Variants in PCMTD1 observed in about 807,000 individuals in gnomAD.
PCMTD1 encodes protein-L-isoaspartate (D-aspartate) O-methyltransferase domain containing 1, also known as protein-L-isoaspartate O-methyltransferase domain-containing protein 1.
In PCMTD1, 12 loss-of-function variants were observed where a neutral mutation model predicts 37.6. That is an observed-to-expected ratio of 0.32 (90% CI 0.20 to 0.52). PCMTD1 has a LOEUF of 0.52. Among genes scored for constraint, PCMTD1 ranks in the 20% least tolerant of loss-of-function variants. PCMTD1 has a pLI of 0.97. For synonymous variants in PCMTD1, 117 were observed against 135.8 expected (o/e 0.86, Z 0.96); for missense variants, 235 against 421.3 (o/e 0.56, Z 3.87).
At chr8:51,859,220 C>G (rs548019588) in intron 2 of PCMTD1, among the ~76,000 whole-genome samples, 197 of 151,956 alleles carry the variant, frequency 1.3e-3, no homozygotes, top group African/African-American at 4.7e-3. Context: ...AAGAAATGTT[C>G]AAGGACAGCA....
intron 1 of PCMTD1, among the ~76,000 whole-genome samples, chr8:51,893,535 TG>T (rs1301080249): frequency 1.3e-5 from 2 of 152,186 alleles, no homozygotes; most frequent in Non-Finnish European, 2.9e-5. Context: ...TTAAAGAAAC[TG>T]TAAGATCAGA....
At chr8:51,874,922 G>A (rs1262259043) in intron 1 of PCMTD1, among the ~76,000 whole-genome samples, 2 of 152,166 alleles carry the variant, frequency 1.3e-5, no homozygotes, top group African/African-American at 4.8e-5. Context: ...TATGAGGTAA[G>A]AACTGCAGAA....
At chr8:51,874,195 G>C (rs1456705903) in intron 1 of PCMTD1, among the ~76,000 whole-genome samples, 2 of 152,138 alleles carry the variant, frequency 1.3e-5, no homozygotes, top group Non-Finnish European at 2.9e-5. Context: ...TGCCAGACTT[G>C]AACCTTAAAT....
chr8:51,866,164 C>T (rs562430178), intron 1 of PCMTD1, among the ~76,000 whole-genome samples: 2 of 151,264 alleles, frequency 1.3e-5, no homozygotes, highest in African/African-American at 4.9e-5. Flanking sequence ...GTAGAAAACA[C>T]AAATAAATGG....
chr8:51,851,004 G>T (rs965070209), intron 2 of PCMTD1, among the ~76,000 whole-genome samples: 13 of 152,150 alleles, frequency 8.5e-5, no homozygotes, highest in Admixed American at 2.6e-4. Context: ...TCGGCGAAAG[G>T]CTAAGTAATT....
In PCMTD1 at chr8:51,818,665, C is replaced by G. The variant is rs1337675166; in HGVS notation, c.*1686G>C. On this transcript the variant is annotated 3_prime_UTR_variant, in exon 6 of 6. Coordinates refer to ENST00000522514, the MANE Select transcript of PCMTD1 (RefSeq NM_052937.4). The stretch of plus-strand genomic sequence containing the variant: ...CTAAGAATAATTGTAGAAATAACCC[C>G]AATTCCACCATCCCAGCCACTGGTA... The G allele has an allele frequency of 2.0e-5, 3 of 152,334 alleles. No homozygotes were observed. The highest frequency in any genetic ancestry group is 4.4e-5 in the Non-Finnish European group (3 of 68,080). 9.4% of individuals were successfully genotyped at this position (152,334 alleles called of 1,614,324 possible). A position where few individuals can be genotyped will look rare whatever the true frequency, so the allele number is the denominator to read the frequency against.
chr8:51,865,808 A>G (rs2038546680), intron 1 of PCMTD1, among the ~76,000 whole-genome samples: 1 of 152,006 alleles, frequency 6.6e-6, no homozygotes, highest in African/African-American at 2.4e-5. Flanking sequence ...ACAAAATGCT[A>G]GCTGGAACAA....
At chr8:51,828,995 T>C (rs552250762) in intron 5 of PCMTD1, among the ~76,000 whole-genome samples, 83 of 152,342 alleles carry the variant, frequency 5.4e-4, no homozygotes, top group African/African-American at 1.9e-3. Context: ...TGGATTGTTA[T>C]ATATGGATTA....
At chr8:51,899,092 A>G (rs1267719339), upstream of PCMTD1, 4 of 1,479,632 alleles carry the variant, frequency 2.7e-6, no homozygotes, top group South Asian at 3.9e-5. Context: ...CGGACTCCGG[A>G]GCCGCCGGGG....
upstream of PCMTD1, chr8:51,899,099 G>A (rs764736826): frequency 2.0e-6 from 3 of 1,469,658 alleles, no homozygotes; most frequent in African/African-American, 1.5e-5. Flanking sequence ...CGGAGCCGCC[G>A]GGGTCCGGGC....
chr8:51,843,712 CACA>C (rs1290106850), intron 3 of PCMTD1, among the ~76,000 whole-genome samples: 1 of 152,032 alleles, frequency 6.6e-6, no homozygotes, highest in African/African-American at 2.4e-5. Context: ...CACTTCAAAT[CACA>C]ACATATTTTC....
chr8:51,880,650 C>A (rs1053189435), intron 1 of PCMTD1, among the ~76,000 whole-genome samples: 1 of 152,166 alleles, frequency 6.6e-6, no homozygotes, highest in Non-Finnish European at 1.5e-5. Flanking sequence ...AATTGTCCAA[C>A]CTGAATCCTT....
At chr8:51,867,640 T>G (rs1057440802) in intron 1 of PCMTD1, among the ~76,000 whole-genome samples, 19 of 152,082 alleles carry the variant, frequency 1.2e-4, no homozygotes, top group African/African-American at 4.6e-4. Context: ...GGTAATTCTG[T>G]CATTTGCAAT....
At chr8:51,875,667 G>A (rs2038700864) in intron 1 of PCMTD1, among the ~76,000 whole-genome samples, 1 of 152,200 alleles carries the variant, frequency 6.6e-6, no homozygotes, top group Admixed American at 6.5e-5. Context: ...GTTTGGACCA[G>A]TGGCTCATGC....
At chr8:51,828,209 G>A (rs796117248) in intron 5 of PCMTD1, among the ~76,000 whole-genome samples, 56 of 152,140 alleles carry the variant, frequency 3.7e-4, no homozygotes, top group African/African-American at 1.1e-3. Context: ...GTTGGGTCAC[G>A]GTCAAAGCCA....
At chr8:51,881,981 A>C (rs1242938755) in intron 1 of PCMTD1, among the ~76,000 whole-genome samples, 1 of 152,072 alleles carries the variant, frequency 6.6e-6, no homozygotes, top group Middle Eastern at 3.2e-3. Context: ...CTCCCTGTTC[A>C]CTCAGATGCC....
At position 51,845,654 on chromosome 8, in the gene PCMTD1, T is replaced by C. The variant is rs1292738440; in HGVS notation, c.410+7A>G. The C allele has an allele frequency of 6.3e-7, 1 of 1,594,664 alleles. No individual in the cohort carries two copies. The highest frequency in any genetic ancestry group is 8.6e-7 in the Non-Finnish European group (1 of 1,163,638). On this transcript the variant is annotated splice_region_variant and intron_variant, in intron 3 of 5. Coordinates refer to ENST00000522514, the MANE Select transcript of PCMTD1 (RefSeq NM_052937.4). ...TTTAAACCAAAACTATAGATATGAATACTTACTTATCAAAGCTATCACTAT... is the reference window on the plus strand; with the variant it reads ...TTTAAACCAAAACTATAGATATGAACACTTACTTATCAAAGCTATCACTAT...
rs2038028720 is a variant in PCMTD1, at chr8:51,833,733, T to C, written c.411-44A>G. 3 of 1,541,936 alleles carry C rather than the reference T, an allele frequency of 1.9e-6. No individual in the cohort carries two copies. The African/African-American group carries it at 4.1e-5, about 21-fold the overall frequency. ...ATTTTAATTCAATTAAGCAAAACAT[T>C]AGATCTAAAAAATTTACCATAATCC... is the stretch of plus-strand genomic sequence containing the variant. On this transcript the variant is annotated intron_variant, in intron 3 of 5. Transcript: ENST00000522514.
intron 1 of PCMTD1, among the ~76,000 whole-genome samples, chr8:51,871,751 C>T (rs1290580902): frequency 6.6e-6 from 1 of 152,182 alleles, no homozygotes; most frequent in African/African-American, 2.4e-5. Flanking sequence ...TTATAGTTTT[C>T]TACTTTGGAA....
Sources: gnomAD v4.1 joint callset for allele counts (sites outside exome capture counted in the v4.1 genomes callset) on GRCh38, gnomAD v4.1.1 for gene constraint, MANE v1.5 for transcripts, NCBI Gene and HGNC (gene_info 2026-07-23, HGNC 2026-07-21) for gene names.